Variants in CCDC88C observed in about 807,000 individuals in gnomAD.
CCDC88C encodes the protein coiled-coil and HOOK domain protein 88C.
CCDC88C carries 131 observed loss-of-function variants against 198.8 expected under a neutral mutation model. That is an observed-to-expected ratio of 0.66 (90% confidence interval 0.57 to 0.76). The LOEUF (loss-of-function observed/expected upper bound fraction) is 0.76. Ranked by LOEUF, CCDC88C falls within the 30% of genes least tolerant of loss-of-function variation. The probability of loss-of-function intolerance (pLI) is 0.00; values close to 1 mark genes in which losing one functional copy is unlikely to be tolerated. For synonymous variants in CCDC88C, 1,166 were observed against 1,114.7 expected (o/e 1.05, Z -0.92); for missense variants, 2,553 against 2,631.6 (o/e 0.97, Z 0.65).
intron 3 of CCDC88C, 134 bp downstream of exon 3, chr14:91,408,525 A>C (rs1886626944): frequency 1.5e-6 from 1 of 673,142 alleles, no homozygotes; most frequent in East Asian, 2.7e-5. Context: ...GGTTCACATG[A>C]AAGCAGACCA....
chr14:91,329,910 A>G (rs1892745420), intron 10 of CCDC88C, among the ~76,000 whole-genome samples: 2 of 152,248 alleles, frequency 1.3e-5, no homozygotes, highest in African/African-American at 4.8e-5. Flanking sequence ...CAGTCAGGCA[A>G]TGTTTTCAGC....
chr14:91,273,730 GC>G lies in CCDC88C; in HGVS notation c.5059-78del. 1.6e-6 allele frequency: 2 copies of G among 1,280,218 alleles called. No homozygotes were observed. The highest frequency in any genetic ancestry group is 4.6e-5 in the South Asian group (2 of 43,042). The allele number at this position is 1,280,218 out of a possible 1,614,324, so 79.3% of individuals were successfully genotyped here. On this transcript the variant is annotated intron_variant, in intron 29 of 29. Coordinates refer to ENST00000389857, the MANE Select transcript of CCDC88C (RefSeq NM_001080414.4). The surrounding 1 kb of genome is among the most constrained non-coding windows in gnomAD (Gnocchi z 5.6). The stretch of plus-strand genomic sequence containing the variant: ...CTTGGAGCCGCCTCCTGCGCGGGAC[GC>G]CCCCGAGCAGCCCACGTGGCTGGGA...
chr14:91,394,741 T>C (rs766567399), intron 3 of CCDC88C, among the ~76,000 whole-genome samples: 9 of 152,172 alleles, frequency 5.9e-5, no homozygotes, highest in South Asian at 2.1e-4. Flanking sequence ...AGATAATATG[T>C]GTAAGTCACT....
chr14:91,322,779 T>C (rs61988401), intron 12 of CCDC88C, among the ~76,000 whole-genome samples: 1 of 152,168 alleles, frequency 6.6e-6, no homozygotes, highest in African/African-American at 2.4e-5. Context: ...ACCACAGAGA[T>C]TAATTTTTAA....
At chr14:91,332,357 G>A (rs182293041) in intron 10 of CCDC88C, among the ~76,000 whole-genome samples, 135 of 152,268 alleles carry the variant, frequency 8.9e-4, no homozygotes, top group African/African-American at 3.2e-3. Context: ...GCTTCCTCCT[G>A]GACCGAGGGA....
At position 91,273,271 on chromosome 14, in the gene CCDC88C, C is replaced by T. The variant is rs534216402; in HGVS notation, c.5441G>A (p.Arg1814Gln). The T allele has an allele frequency of 3.2e-5, 50 of 1,559,146 alleles. No homozygotes were observed. The highest frequency in any genetic ancestry group is 1.7e-4 in the Middle Eastern group (1 of 5,938). ...TTTGCAGGCCTCTGGCCCGCTGGCC[C>T]GGAGAAGGTCAGCTGAGGCCAGGCT... ...AFSLASADLLRASGPEACKQE... is the reference protein window; with the variant it reads ...AFSLASADLLQASGPEACKQE... The change falls in exon 30 of 30, where the codon CGG (arginine) becomes CAG (glutamine). Residue 1814 changes from arginine to glutamine, a missense_variant. By Grantham distance (43) the Arg-to-Gln change is conservative. Around this residue, in one of 2 missense-constraint regions of CCDC88C, gnomAD observed 1,293 missense variants for 1,219.6 expected, o/e 1.06. Transcript: ENST00000389857. The surrounding 1 kb of genome is among the most constrained non-coding windows in gnomAD (Gnocchi z 5.6).
intron 4 of CCDC88C, among the ~76,000 whole-genome samples, chr14:91,357,023 G>A (rs1420515294): frequency 6.6e-6 from 1 of 152,188 alleles, no homozygotes; most frequent in Non-Finnish European, 1.5e-5. Flanking sequence ...AAAAAGACTG[G>A]ATATTGGCAA....
At chr14:91,386,579 A>G (rs1885160674) in intron 3 of CCDC88C, among the ~76,000 whole-genome samples, 1 of 152,134 alleles carries the variant, frequency 6.6e-6, no homozygotes, top group Non-Finnish European at 1.5e-5. Context: ...TTCATTCGCC[A>G]CCCCAATGTG....
rs759288949 is a variant in CCDC88C, at chr14:91,417,141, T to C, written c.61-303A>G. The C allele has an allele frequency of 2.7e-5, 19 of 703,156 alleles. No individual in the cohort carries two copies. In the East Asian group the frequency reaches 2.9e-4, roughly 11 times the overall value. The allele number at this position is 703,156 out of a possible 1,614,324, so 43.6% of individuals were successfully genotyped here. On this transcript the variant is annotated intron_variant, in intron 1 of 29. Transcript: ENST00000389857. Reference sequence around the variant, plus strand: ...ATAAATGTCTCACGTCTCAAATCCATTGTAAATCAGTGCGCCCACCCCAGT... The same window carrying C: ...ATAAATGTCTCACGTCTCAAATCCACTGTAAATCAGTGCGCCCACCCCAGT...
At chr14:91,385,177 C>T (rs1376451045) in intron 3 of CCDC88C, among the ~76,000 whole-genome samples, 3 of 152,074 alleles carry the variant, frequency 2.0e-5, no homozygotes, top group Admixed American at 1.3e-4. Flanking sequence ...ACAGAGCCCA[C>T]GTGGAAAGTG....
intron 3 of CCDC88C, among the ~76,000 whole-genome samples, chr14:91,364,775 T>C (rs1179977115): frequency 1.3e-5 from 2 of 152,296 alleles, no homozygotes; most frequent in Non-Finnish European, 2.9e-5. Flanking sequence ...GCCCAGAGCA[T>C]GCTGCATCTC....
At chr14:91,409,202 T>C (rs61988440) in intron 2 of CCDC88C, among the ~76,000 whole-genome samples, 2 of 123,562 alleles carry the variant, frequency 1.6e-5, no homozygotes, top group Non-Finnish European at 3.4e-5. Context: ...TTTTTTTTTT[T>C]AAATAGAGAC....
intron 4 of CCDC88C, among the ~76,000 whole-genome samples, chr14:91,357,797 C>T (rs1211714045): frequency 1.3e-5 from 2 of 152,238 alleles, no homozygotes; most frequent in Non-Finnish European, 2.9e-5. Context: ...CTGTGGCCAG[C>T]ATGGACTGCA....
Position 91,381,917 on chromosome 14 carries a change from T to C in CCDC88C, c.271-22206A>G, listed in dbSNP as rs1344248741. On this transcript the variant is annotated intron_variant, in intron 3 of 29. Transcript: ENST00000389857. This position sits in a 1 kb window ranked among gnomAD's most constrained non-coding sequence, Gnocchi z 4.2. ...GCCCACCTCCCTGCCTCCTTCTTGA[T>C]GCCTTCCACGGTGTATTTTCTGAAC... 1.3e-5 allele frequency among the ~76,000 whole-genome samples: 2 copies of C among 152,174 alleles called. No individual in the cohort carries two copies. The highest frequency in any genetic ancestry group is 2.9e-5 in the Non-Finnish European group (2 of 68,014).
intron 4 of CCDC88C, among the ~76,000 whole-genome samples, chr14:91,347,286 A>G (rs1668190745): frequency 6.6e-6 from 1 of 152,132 alleles, no homozygotes; most frequent in Non-Finnish European, 1.5e-5. Context: ...ATTACATCAC[A>G]CTGTAGAATC....
At chr14:91,417,309 C>A in intron 1 of CCDC88C, 1 of 640,276 alleles carries the variant, frequency 1.6e-6, no homozygotes. Flanking sequence ...ACCCCAGGGA[C>A]AGGAGTGACC....
intron 3 of CCDC88C, among the ~76,000 whole-genome samples, chr14:91,404,689 C>A (rs1415126810): frequency 6.6e-6 from 1 of 152,124 alleles, no homozygotes; most frequent in African/African-American, 2.4e-5. Flanking sequence ...CTTGGCTGGG[C>A]GCGGTGGCTC....
At chr14:91,387,510 C>G (rs1274148701) in intron 3 of CCDC88C, among the ~76,000 whole-genome samples, 1 of 152,216 alleles carries the variant, frequency 6.6e-6, no homozygotes, top group Non-Finnish European at 1.5e-5. Flanking sequence ...TATAAGAGCT[C>G]TCTTTCTGTT....
rs764128262 is a variant in CCDC88C, at chr14:91,313,289, G to A, written c.2527C>T (p.Arg843Trp). The A allele has an allele frequency of 1.3e-5, 21 of 1,613,798 alleles. No individual in the cohort carries two copies. Among genetic ancestry groups the A allele is most frequent in the East Asian group, 8.9e-5 (4 of 44,894 alleles). Reference protein sequence around the residue: ...DKKLLEKEAKRLWQQVELKDA... With the variant: ...DKKLLEKEAKWLWQQVELKDA... ...TTGAGCTCCACCTGCTGCCACAGCCGCTTGGCCTCCTTCTCCAGCAGCTTC... is the reference window on the plus strand; with the variant it reads ...TTGAGCTCCACCTGCTGCCACAGCCACTTGGCCTCCTTCTCCAGCAGCTTC... The change falls in exon 15 of 30, where the codon CGG (arginine) becomes TGG (tryptophan). Residue 843 changes from arginine (R) to tryptophan (W), a missense_variant. By Grantham distance (101) the Arg-to-Trp change is moderately radical (BLOSUM62 -3). Coordinates refer to ENST00000389857, the MANE Select transcript of CCDC88C (RefSeq NM_001080414.4). This position sits in a 1 kb window ranked among gnomAD's most constrained non-coding sequence, Gnocchi z 5.2.
Sources: gnomAD v4.1 joint callset for allele counts (sites outside exome capture counted in the v4.1 genomes callset) on GRCh38, gnomAD v4.1.1 for gene constraint, gnomAD v4.1.1 regional missense constraint, Gnocchi (gnomAD v3.1) non-coding constraint, MANE v1.5 for transcripts, NCBI Gene and HGNC (gene_info 2026-07-23, HGNC 2026-07-21) for gene names.